The following FRY variants were observed in gnomAD, a reference collection of about 807,000 sequenced individuals.
FRY encodes the protein protein furry homolog.
Under a neutral mutation model 348.4 loss-of-function variants are expected in FRY, and 128 were observed. That is an observed-to-expected ratio of 0.37 (90% CI 0.32 to 0.43). FRY has a LOEUF of 0.43. FRY is among the 20% of genes least tolerant of loss of function. The pLI is 1.00. For missense variants in FRY, 2,736 were observed against 3,695.2 expected (o/e 0.74, Z 6.73); for synonymous variants, 1,370 against 1,374.7 (o/e 1.00, Z 0.08).
intron 1 of FRY, among the ~76,000 whole-genome samples, chr13:32,040,167 T>C (rs527453200): frequency 1.9e-4 from 29 of 152,306 alleles, no homozygotes; most frequent in African/African-American, 7.0e-4. Context: ...GGGCAATACT[T>C]TGGTAAAATT....
At chr13:32,199,772 T>C (rs1250283869) in intron 29 of FRY, among the ~76,000 whole-genome samples, 1 of 152,218 alleles carries the variant, frequency 6.6e-6, no homozygotes, top group Non-Finnish European at 1.5e-5. Context: ...GAAAAACTTT[T>C]TCATGTGTAT....
chr13:32,104,674 C>T (rs551523658), intron 3 of FRY, among the ~76,000 whole-genome samples: 34 of 152,128 alleles, frequency 2.2e-4, no homozygotes, highest in Admixed American at 3.9e-4. Flanking sequence ...TTGGCTGTGT[C>T]CCCACCCAAA....
chr13:32,140,595 A>AG (rs1183012515), intron 11 of FRY, among the ~76,000 whole-genome samples: 1 of 152,088 alleles, frequency 6.6e-6, no homozygotes, highest in African/African-American at 2.4e-5. Flanking sequence ...ATACATGAGA[A>AG]GAAAAAAAAA....
At chr13:32,252,021 T>C (rs1423266513) in intron 50 of FRY, 69 bp downstream of exon 50, 1 of 1,070,416 alleles carries the variant, frequency 9.3e-7, no homozygotes, top group African/African-American at 1.5e-5. Flanking sequence ...GTTTTTGCCT[T>C]TGGTCATATA....
chr13:32,088,689 T>C (rs1593598530), intron 2 of FRY, among the ~76,000 whole-genome samples: 2 of 152,094 alleles, frequency 1.3e-5, no homozygotes, highest in East Asian at 3.8e-4. Flanking sequence ...TTGAACCTTA[T>C]AGCAAATAAA....
rs939629056 is a variant in FRY at position 32,295,712 on chromosome 13, G to A, written c.*252G>A. 30 of 567,614 alleles carry A rather than the reference G, an allele frequency of 5.3e-5. No individual in the cohort carries two copies. The highest frequency in any genetic ancestry group is 1.5e-4 in the East Asian group (5 of 34,074). The allele number at this position is 567,614 out of a possible 1,614,324, so 35.2% of individuals were successfully genotyped here. A position where few individuals can be genotyped will look rare whatever the true frequency, so the allele number is the denominator to read the frequency against. On this transcript the variant is annotated 3_prime_UTR_variant, in exon 61 of 61. Transcript: ENST00000542859. The stretch of plus-strand genomic sequence containing the variant: ...TGGCACAAATGTGTTACATTTGACC[G>A]AGCATATGCAACTCGCTACTGAAGA...
Position 32,237,914 on chromosome 13 carries a change from C to T in FRY, c.6346C>T (p.Leu2116=). 1 of 1,614,136 alleles carries T rather than the reference C, an allele frequency of 6.2e-7. No individual in the cohort carries two copies. The highest frequency in any genetic ancestry group is 8.5e-7 in the Non-Finnish European group (1 of 1,179,994). ...KGFTSLTTTD[L]TLQLFSLLTP... is the part of the protein sequence containing the mutation. Reference sequence around the variant, plus strand: ...ATTCACATCCCTCACCACCACAGACCTGACCCTGCAGCTCTTCAGTCTGCT... The same window carrying T: ...ATTCACATCCCTCACCACCACAGACTTGACCCTGCAGCTCTTCAGTCTGCT... Residue 2116 remains leucine, a synonymous_variant, in exon 44 of 61, where the codon CTG becomes TTG. Transcript: ENST00000542859. This position sits in a 1 kb window ranked among gnomAD's most constrained non-coding sequence, Gnocchi z 6.3.
chr13:32,056,845 A>G (rs762808296), intron 1 of FRY, among the ~76,000 whole-genome samples: 1 of 152,190 alleles, frequency 6.6e-6, no homozygotes, highest in Non-Finnish European at 1.5e-5. Context: ...ATAAAATGTG[A>G]CCATTTTATT....
At chr13:32,103,088 G>A (rs1877272552) in intron 3 of FRY, among the ~76,000 whole-genome samples, 3 of 152,212 alleles carry the variant, frequency 2.0e-5, no homozygotes, top group South Asian at 4.1e-4. Flanking sequence ...TTTATGAGCT[G>A]TTCTGTGAAG....
intron 14 of FRY, 140 bp from the exon 15 acceptor site, chr13:32,155,351 C>G (rs1881046929): frequency 1.4e-6 from 1 of 706,392 alleles, no homozygotes; most frequent in South Asian, 1.5e-5. Flanking sequence ...TAAGATTGCT[C>G]TACACTCTTG....
Position 32,168,060 on chromosome 13 carries a change from T to A in FRY, c.1893-2952T>A, listed in dbSNP as rs183909190. Among the ~76,000 whole-genome samples, 164 of 152,248 alleles carry A rather than the reference T, an allele frequency of 1.1e-3. 2 individuals are homozygous for A. Among genetic ancestry groups the A allele is most frequent in the African/African-American group, 3.7e-3 (155 of 41,548 alleles). ...AGATGTATATAGAGAGAAAGAGATT[T>A]ATTGTAAGGAATTGGCTCATGTAGT... is the stretch of plus-strand genomic sequence containing the variant. On this transcript the variant is annotated intron_variant, in intron 17 of 60. Transcript: ENST00000542859.
At chr13:32,185,578 A>G (rs930800084) in intron 26 of FRY, among the ~76,000 whole-genome samples, 1 of 152,226 alleles carries the variant, frequency 6.6e-6, no homozygotes, top group Non-Finnish European at 1.5e-5. Flanking sequence ...AAAGCTTAAT[A>G]TATTTTACAT....
chr13:32,209,801 A>G, intron 33 of FRY, 70 bp downstream of exon 33: 3 of 1,450,038 alleles, frequency 2.1e-6, no homozygotes, highest in Non-Finnish European at 2.9e-6. Context: ...TGCAAGTCAG[A>G]ATGTGCTCTT....
chr13:32,263,043 T>C (rs1887745825), intron 53 of FRY, among the ~76,000 whole-genome samples: 1 of 152,244 alleles, frequency 6.6e-6, no homozygotes, highest in Non-Finnish European at 1.5e-5. Context: ...TTTTCTTAAT[T>C]AGAAAAAATC....
At chr13:32,065,018 C>T (rs1593574533) in intron 1 of FRY, among the ~76,000 whole-genome samples, 1 of 152,108 alleles carries the variant, frequency 6.6e-6, no homozygotes, top group Non-Finnish European at 1.5e-5. Context: ...GTTACTCAAA[C>T]CTATGTGATT....
intron 24 of FRY, 40 bp from the exon 25 acceptor site, chr13:32,184,560 T>A (rs758889966): frequency 3.0e-5 from 36 of 1,196,514 alleles, no homozygotes; most frequent in Non-Finnish European, 4.4e-5. Flanking sequence ...TAATATTGTT[T>A]TGCCTGTGTC....
Position 32,237,321 on chromosome 13 carries a change from A to T in FRY, c.5811-58A>T. 1 of 1,572,788 alleles carries T rather than the reference A, an allele frequency of 6.4e-7. No homozygotes were observed. Among genetic ancestry groups the T allele is most frequent in the Non-Finnish European group, 8.7e-7 (1 of 1,148,384 alleles). ...AGTGTTTCTCAGTGGACTTGAAAGG[A>T]CTGGCTTTTGGTGACACATGTTGGC... On this transcript the variant is annotated intron_variant, in intron 43 of 60. Coordinates refer to ENST00000542859, the MANE Select transcript of FRY (RefSeq NM_023037.3). The surrounding 1 kb of genome is among the most constrained non-coding windows in gnomAD (Gnocchi z 6.3).
At position 32,130,452 on chromosome 13, in the gene FRY, TTG is replaced by T. The variant is rs58000380; in HGVS notation, c.717-1184_717-1183del. Among the ~76,000 whole-genome samples, 1,378 of 141,904 alleles carry T rather than the reference TTG, an allele frequency of 9.7e-3. 13 individuals carry two copies. Among genetic ancestry groups the T allele is most frequent in the African/African-American group, 0.026 (972 of 37,760 alleles). 93.1% of individuals were successfully genotyped at this position (141,904 alleles called of 152,430 possible). A position where few individuals can be genotyped will look rare whatever the true frequency, so the allele number is the denominator to read the frequency against. ...TTAGACTGTTTTCTTTGGAAAGTGT[TTG>T]TGTGTGTGTGTGTGTGTGTGTGTGT... On this transcript the variant is annotated intron_variant, in intron 7 of 60. Coordinates refer to ENST00000542859, the MANE Select transcript of FRY (RefSeq NM_023037.3).
chr13:32,211,466 A>G (rs1448644725), intron 34 of FRY, among the ~76,000 whole-genome samples: 1 of 152,180 alleles, frequency 6.6e-6, no homozygotes, highest in African/African-American at 2.4e-5. Flanking sequence ...CTCAAAAAAA[A>G]GAGAATAACT....
Sources: gnomAD v4.1 joint callset for allele counts (sites outside exome capture counted in the v4.1 genomes callset) on GRCh38, gnomAD v4.1.1 for gene constraint, Gnocchi (gnomAD v3.1) non-coding constraint, MANE v1.5 for transcripts, NCBI Gene and HGNC (gene_info 2026-07-23, HGNC 2026-07-21) for gene names.